The following WDFY4 variants were observed in gnomAD, a reference collection of about 807,000 sequenced individuals.
WDFY4 encodes WDFY family member 4.
Under a neutral mutation model 351.9 loss-of-function variants are expected in WDFY4, and 169 were observed. The observed-to-expected ratio is 0.48, with a 90% CI of 0.42 to 0.55. The LOEUF is 0.55. WDFY4 is among the 20% of genes least tolerant of loss of function. The pLI is 0.00. For missense variants in WDFY4, 3,803 were observed against 3,935.6 expected (o/e 0.97, Z 0.90); for synonymous variants, 1,622 against 1,574.6 (o/e 1.03, Z -0.71).
intron 12 of WDFY4, among the ~76,000 whole-genome samples, chr10:48,744,306 C>T (rs574158752): frequency 5.3e-5 from 8 of 152,334 alleles, no homozygotes; most frequent in Non-Finnish European, 1.0e-4. Context: ...CTGAAAGACA[C>T]TGCATTTTTA....
At chr10:48,934,846 C>T (rs1564507435) in intron 47 of WDFY4, among the ~76,000 whole-genome samples, 2 of 152,302 alleles carry the variant, frequency 1.3e-5, no homozygotes, top group East Asian at 3.9e-4. Context: ...GAGACCCAGA[C>T]TTTGGAGAGA....
At position 48,773,974 on chromosome 10, in the gene WDFY4, C is replaced by T. The variant is rs185015018; in HGVS notation, c.2554-484C>T. The stretch of plus-strand genomic sequence containing the variant: ...GGGGATGTTGGACCCCTGGAGGGCA[C>T]AGCTCCCACCCAGCACCAGCCACCT... On this transcript the variant is annotated intron_variant, in intron 13 of 61. Transcript: ENST00000325239. 2.1e-4 allele frequency among the ~76,000 whole-genome samples: 32 copies of T among 152,298 alleles called. No individual in the cohort carries two copies. The East Asian group carries it at 6.0e-3, about 28-fold the overall frequency.
At chr10:48,945,915 C>T (rs1024558894) in intron 49 of WDFY4, 125 bp from the exon 50 acceptor site, 4 of 606,366 alleles carry the variant, frequency 6.6e-6, no homozygotes, top group Non-Finnish European at 1.1e-5. Context: ...TGCCAGCTAA[C>T]CACCAGAGGC....
At chr10:48,811,084 G>T (rs907430516) in intron 29 of WDFY4, among the ~76,000 whole-genome samples, 5 of 152,190 alleles carry the variant, frequency 3.3e-5, no homozygotes, top group Admixed American at 6.5e-5. Context: ...ACTTCCTCCA[G>T]GAGATGAGGG....
In WDFY4 at chr10:48,866,658, T is replaced by C. The variant is rs969889231; in HGVS notation, c.6664-607T>C. Among the ~76,000 whole-genome samples, 3 of 152,144 alleles carry C rather than the reference T, an allele frequency of 2.0e-5. No individual in the cohort carries two copies. The East Asian group carries it at 5.8e-4, about 29-fold the overall frequency. ...TAGCTCTCTGCTGTCTTAGAGCAGA[T>C]TGTTCAAATCTAGGTCTTTTCAGTC... On this transcript the variant is annotated intron_variant, in intron 39 of 61. Coordinates refer to ENST00000325239, the MANE Select transcript of WDFY4 (RefSeq NM_001394531.1).
chr10:48,718,004 TCTGTCAGTAGCACA>T lies in WDFY4; in HGVS notation c.235-2006_235-1993del, dbSNP rs1264562359. ...TTCAAAGTGTTCTTCCAACCGATAC[TCTGTCAGTAGCACA>T]TGGGGGTTCCTGTGATTCCCCCCAT... On this transcript the variant is annotated intron_variant, in intron 2 of 61. Coordinates refer to ENST00000325239, the MANE Select transcript of WDFY4 (RefSeq NM_001394531.1). Among the ~76,000 whole-genome samples, 124 of 152,336 alleles carry T rather than the reference TCTGTCAGTAGCACA, an allele frequency of 8.1e-4. 1 individual carries two copies. Among genetic ancestry groups the T allele is most frequent in the African/African-American group, 2.7e-3 (114 of 41,570 alleles).
At chr10:48,815,347 T>C (rs538747054) in intron 31 of WDFY4, among the ~76,000 whole-genome samples, 320 of 138,680 alleles carry the variant, frequency 2.3e-3, no homozygotes, top group African/African-American at 0.011. Flanking sequence ...TTTATTTTCC[T>C]CTCTCTCTAT....
chr10:48,911,343 AC>A (rs1342793404), intron 47 of WDFY4, among the ~76,000 whole-genome samples: 1 of 152,136 alleles, frequency 6.6e-6, no homozygotes, highest in Non-Finnish European at 1.5e-5. Flanking sequence ...ATGTGTGTAA[AC>A]CTTTTATGAG....
At position 48,963,887 on chromosome 10, in the gene WDFY4, G is replaced by C; in HGVS notation, c.8269G>C (p.Asp2757His). 6.4e-7 allele frequency: 1 copy of C among 1,551,570 alleles called. No homozygotes were observed. The highest frequency in any genetic ancestry group is 8.7e-7 in the Non-Finnish European group (1 of 1,147,012). The stretch of plus-strand genomic sequence containing the variant: ...CAGTGCCAACCTCCACCATTGGATA[G>C]ACCTTATTTTTGGGTACAAGCAGCA... ...FVSANLHHWI[D>H]LIFGYKQQGP... Residue 2757 changes from aspartate (D) to histidine (H), a missense_variant, in exon 54 of 62, where the codon GAC becomes CAC. Asp to His is a moderately conservative substitution (Grantham distance 81, BLOSUM62 -1). Transcript: ENST00000325239.
At position 48,969,046 on chromosome 10, in the gene WDFY4, A is replaced by G. The variant is rs1209004980; in HGVS notation, c.8585-18A>G. 3 of 1,548,332 alleles carry G rather than the reference A, an allele frequency of 1.9e-6. No individual in the cohort carries two copies. The South Asian group carries it at 3.6e-5, about 18-fold the overall frequency. Reference sequence around the variant, plus strand: ...CTGTTCTTCCATGCATAAGTTCGCCATACTAACTGGGGTGTAGATATGTAC... The same window carrying G: ...CTGTTCTTCCATGCATAAGTTCGCCGTACTAACTGGGGTGTAGATATGTAC... On this transcript the variant is annotated intron_variant, in intron 55 of 61. Transcript: ENST00000325239.
At chr10:48,736,227 T>C (rs2064661779) in intron 11 of WDFY4, 157 bp downstream of exon 11, 2 of 780,810 alleles carry the variant, frequency 2.6e-6, no homozygotes, top group Non-Finnish European at 4.3e-6. Context: ...AACAAATAAA[T>C]CCCATATCCT....
chr10:48,804,562 CA>C (rs58660119), intron 25 of WDFY4, among the ~76,000 whole-genome samples: 8,787 of 101,548 alleles, frequency 0.087, 606 homozygotes, highest in African/African-American at 0.22. Flanking sequence ...TGTGTTAATA[CA>C]AAAAAAAAAA....
chr10:48,829,015 C>G, intron 37 of WDFY4, 119 bp downstream of exon 37: 1 of 628,182 alleles, frequency 1.6e-6, no homozygotes. Flanking sequence ...AATAAGAAAG[C>G]AGATACTATT....
At chr10:48,963,197 C>T (rs778681477) in intron 53 of WDFY4, among the ~76,000 whole-genome samples, 2 of 152,224 alleles carry the variant, frequency 1.3e-5, no homozygotes, top group Non-Finnish European at 2.9e-5. Context: ...GGAAACAACA[C>T]CTGTGAAACA....
chr10:48,912,735 G>T (rs1028880552), intron 47 of WDFY4, among the ~76,000 whole-genome samples: 1 of 152,246 alleles, frequency 6.6e-6, no homozygotes, highest in African/African-American at 2.4e-5. Flanking sequence ...GGATGGGAGT[G>T]CAACTTCATT....
At chr10:48,945,065 T>G (rs1266679963) in intron 49 of WDFY4, among the ~76,000 whole-genome samples, 1 of 152,086 alleles carries the variant, frequency 6.6e-6, no homozygotes, top group Admixed American at 6.5e-5. Context: ...GCTTTGAGGA[T>G]TCACTGCTAG....
intron 48 of WDFY4, among the ~76,000 whole-genome samples, 187 bp downstream of exon 48, chr10:48,942,035 G>C (rs931883905): frequency 9.2e-5 from 14 of 152,294 alleles, no homozygotes; most frequent in African/African-American, 3.1e-4. Context: ...CATGATCTCA[G>C]CTCACGGCAA....
intron 37 of WDFY4, 80 bp from the exon 38 acceptor site, chr10:48,830,620 C>G (rs1589709724): frequency 6.8e-7 from 1 of 1,463,266 alleles, no homozygotes; most frequent in African/African-American, 1.4e-5. Context: ...GGTAAAACCA[C>G]TCATGATGCA....
chr10:48,784,530 CTTTTTTTTTTTTT>C (rs71465479), intron 19 of WDFY4, among the ~76,000 whole-genome samples: 13 of 26,874 alleles, frequency 4.8e-4, no homozygotes, highest in East Asian at 1.5e-3. Context: ...GCATTGTTTG[CTTTTTTTTTTTTT>C]TTTTTTTTTT....
Sources: gnomAD v4.1 joint callset for allele counts (sites outside exome capture counted in the v4.1 genomes callset) on GRCh38, gnomAD v4.1.1 for gene constraint, MANE v1.5 for transcripts, NCBI Gene and HGNC (gene_info 2026-07-23, HGNC 2026-07-21) for gene names.